The following NEK10 variants were observed in gnomAD, a reference collection of about 807,000 sequenced individuals.
The protein encoded by NEK10 is NIMA related kinase 10.
In NEK10, 122 loss-of-function variants were observed where a neutral mutation model predicts 159.8. The observed-to-expected ratio is 0.76, with a 90% CI of 0.66 to 0.89. The LOEUF is 0.89. Ranked by LOEUF, NEK10 falls within the 40% of genes least tolerant of loss-of-function variation. NEK10 has a pLI of 0.00. For synonymous variants in NEK10, 466 were observed against 457.1 expected (o/e 1.02, Z -0.25); for missense variants, 1,342 against 1,323.1 (o/e 1.01, Z -0.22).
intron 13 of NEK10, among the ~76,000 whole-genome samples, chr3:27,297,813 C>A (rs1476466240): frequency 2.0e-5 from 3 of 152,200 alleles, no homozygotes; most frequent in Non-Finnish European, 2.9e-5. Context: ...TGCCTCCTGA[C>A]AGCCACTGTG....
intron 6 of NEK10, among the ~76,000 whole-genome samples, chr3:27,317,997 G>T (rs964180678): frequency 6.6e-6 from 1 of 152,086 alleles, no homozygotes; most frequent in Non-Finnish European, 1.5e-5. Flanking sequence ...TAGAGACGGG[G>T]TTTCACCGTG....
chr3:27,135,266 CAAAT>C (rs1943069307), intron 31 of NEK10, among the ~76,000 whole-genome samples: 2 of 152,120 alleles, frequency 1.3e-5, no homozygotes, highest in African/African-American at 4.8e-5. Context: ...AATAAAGAAA[CAAAT>C]AAACAAACAT....
intron 11 of NEK10, among the ~76,000 whole-genome samples, chr3:27,305,768 C>G (rs1042115174): frequency 6.6e-6 from 1 of 152,100 alleles, no homozygotes; most frequent in Non-Finnish European, 1.5e-5. Context: ...ATACTCAGTG[C>G]AAAGTGCATT....
At chr3:27,363,787 C>T (rs2048853548) in intron 1 of NEK10, 1 of 152,184 alleles carries the variant, frequency 6.6e-6, no homozygotes, top group Admixed American at 6.5e-5. Flanking sequence ...ATGAATGCCA[C>T]TGTCTCCACT....
chr3:27,133,223 C>T (rs925288651), intron 31 of NEK10, among the ~76,000 whole-genome samples: 11 of 152,122 alleles, frequency 7.2e-5, no homozygotes, highest in Non-Finnish European at 1.6e-4. Context: ...TTGTGTCAAG[C>T]CAAGGAATTT....
chr3:27,206,964 C>A (rs990599689), intron 23 of NEK10, among the ~76,000 whole-genome samples: 2 of 152,154 alleles, frequency 1.3e-5, no homozygotes, highest in African/African-American at 4.8e-5. Flanking sequence ...ATTTATTTTT[C>A]TACTTCCACT....
chr3:27,170,861 C>T (rs939267826), intron 29 of NEK10, among the ~76,000 whole-genome samples: 6 of 152,146 alleles, frequency 3.9e-5, no homozygotes, highest in African/African-American at 1.4e-4. Flanking sequence ...TCATCTTTTC[C>T]AGGCCCACTC....
At chr3:27,215,918 G>A (rs780529669) in intron 23 of NEK10, 9 of 678,868 alleles carry the variant, frequency 1.3e-5, no homozygotes, top group East Asian at 2.8e-5. Context: ...TCACCATCAT[G>A]AGAACAGCAC....
At chr3:27,161,393 A>G (rs563649766) in intron 30 of NEK10, among the ~76,000 whole-genome samples, 20 of 152,332 alleles carry the variant, frequency 1.3e-4, no homozygotes, top group African/African-American at 4.6e-4. Context: ...AGCAAATTTA[A>G]TAAATGTGGA....
At chr3:27,133,560 A>G (rs1942852362) in intron 31 of NEK10, among the ~76,000 whole-genome samples, 1 of 152,314 alleles carries the variant, frequency 6.6e-6, no homozygotes, top group Admixed American at 6.5e-5. Flanking sequence ...GGATCACCTG[A>G]GGTAAGGAGT....
intron 29 of NEK10, among the ~76,000 whole-genome samples, chr3:27,164,406 C>T (rs994463236): frequency 2.0e-5 from 3 of 152,054 alleles, no homozygotes; most frequent in Non-Finnish European, 1.5e-5. Flanking sequence ...TAATGGAAAC[C>T]GATTGTAAGC....
intron 29 of NEK10, among the ~76,000 whole-genome samples, chr3:27,167,831 G>C (rs1351115656): frequency 7.2e-5 from 11 of 152,156 alleles, no homozygotes; most frequent in Non-Finnish European, 1.2e-4. Flanking sequence ...GTGCCTTCCA[G>C]TTCTAATATT....
intron 31 of NEK10, among the ~76,000 whole-genome samples, chr3:27,139,165 G>GA (rs1018452591): frequency 6.0e-5 from 9 of 150,546 alleles, no homozygotes; most frequent in Non-Finnish European, 8.9e-5. Context: ...GTGAAAGTTA[G>GA]AAAAAAAAAG....
chr3:27,305,439 G>A (rs968661015), intron 11 of NEK10, among the ~76,000 whole-genome samples: 4 of 151,886 alleles, frequency 2.6e-5, no homozygotes, highest in Non-Finnish European at 5.9e-5. Flanking sequence ...CAGAAGAATT[G>A]CTTGAACCCA....
intron 25 of NEK10, among the ~76,000 whole-genome samples, chr3:27,201,083 T>C (rs1288423578): frequency 1.3e-5 from 2 of 152,168 alleles, no homozygotes; most frequent in African/African-American, 4.8e-5. Context: ...AATCACATTA[T>C]CAGTTTAAAA....
intron 32 of NEK10, among the ~76,000 whole-genome samples, chr3:27,129,287 T>C (rs1372220562): frequency 2.0e-5 from 3 of 152,158 alleles, no homozygotes; most frequent in Admixed American, 6.5e-5. Context: ...GTAGGCACAG[T>C]CATCCCATAA....
chr3:27,272,995 T>G (rs7635995), intron 22 of NEK10, among the ~76,000 whole-genome samples: 35,309 of 151,980 alleles, frequency 0.23, 4,470 homozygotes, highest in Middle Eastern at 0.37. Context: ...GGAAAACAGC[T>G]GATTGGGAAA....
At chr3:27,149,111 T>C (rs1367162652) in intron 30 of NEK10, among the ~76,000 whole-genome samples, 1 of 150,496 alleles carries the variant, frequency 6.6e-6, no homozygotes, top group African/African-American at 2.4e-5. Flanking sequence ...ATAAAATAAA[T>C]TTAATAAAAA....
At chr3:27,305,411 C>G (rs1045248571) in intron 11 of NEK10, among the ~76,000 whole-genome samples, 1 of 152,030 alleles carries the variant, frequency 6.6e-6, no homozygotes, top group Non-Finnish European at 1.5e-5. Flanking sequence ...GTAATCCCAG[C>G]CACTTGGGAG....
Sources: gnomAD v4.1 joint callset for allele counts (sites outside exome capture counted in the v4.1 genomes callset) on GRCh38, gnomAD v4.1.1 for gene constraint, MANE v1.5 for transcripts, NCBI Gene and HGNC (gene_info 2026-07-23, HGNC 2026-07-21) for gene names.